The following NAALADL2 variants were observed in gnomAD, a reference collection of about 807,000 sequenced individuals.
NAALADL2 encodes the protein N-acetylated alpha-linked acidic dipeptidase like 2.
A neutral mutation model predicts 87.2 loss-of-function variants in NAALADL2; 76 were observed. The observed-to-expected ratio is 0.87, with a 90% confidence interval of 0.72 to 1.05. The LOEUF (loss-of-function observed/expected upper bound fraction) is 1.05, where lower values mean the gene tolerates loss of function less well. NAALADL2 is among the 50% of genes least tolerant of loss of function. The probability of loss-of-function intolerance (pLI) is 0.00; values close to 1 mark genes in which losing one functional copy is unlikely to be tolerated. For synonymous variants in NAALADL2, 354 were observed against 331.0 expected (o/e 1.07, Z -0.75); for missense variants, 1,089 against 945.8 (o/e 1.15, Z -1.99).
At chr3:175,182,276 T>C (rs1313588366) in intron 2 of NAALADL2, among the ~76,000 whole-genome samples, 1 of 152,162 alleles carries the variant, frequency 6.6e-6, no homozygotes, top group African/African-American at 2.4e-5. Flanking sequence ...TGTTTAACTT[T>C]CTTATATATT....
At chr3:174,669,652 T>C (rs536210) in intron 2 of NAALADL2, among the ~76,000 whole-genome samples, 96,743 of 151,928 alleles carry the variant, frequency 0.64, 31,536 homozygotes, top group Admixed American at 0.72. Context: ...AGCTTTCTGC[T>C]GTATTTTGGA....
intron 5 of NAALADL2, among the ~76,000 whole-genome samples, chr3:175,396,991 G>A (rs927698502): frequency 1.3e-5 from 2 of 151,926 alleles, no homozygotes; most frequent in African/African-American, 4.8e-5. Flanking sequence ...GAGGACAGAC[G>A]AATACACTTG....
intron 9 of NAALADL2, among the ~76,000 whole-genome samples, chr3:175,508,600 ATT>A (rs1436700229): frequency 6.6e-6 from 1 of 152,036 alleles, no homozygotes; most frequent in Non-Finnish European, 1.5e-5. Context: ...AATTGTTTTT[ATT>A]TTCTTTTCCT....
chr3:175,558,178 C>G (rs75617228), intron 9 of NAALADL2, among the ~76,000 whole-genome samples: 19,093 of 119,424 alleles, frequency 0.16, 1,385 homozygotes, highest in Middle Eastern at 0.25. Context: ...CTGGGCAACA[C>G]AGCAAGACCC....
chr3:174,920,213 C>A (rs376705743), intron 1 of NAALADL2, among the ~76,000 whole-genome samples: 102 of 152,278 alleles, frequency 6.7e-4, no homozygotes, highest in Middle Eastern at 3.4e-3. Flanking sequence ...TCTCTTCAAG[C>A]CTTGAAGTCA....
At chr3:175,081,873 G>A (rs117918024) in intron 1 of NAALADL2, among the ~76,000 whole-genome samples, 2 of 152,142 alleles carry the variant, frequency 1.3e-5, no homozygotes, top group East Asian at 1.9e-4. Context: ...AATATTGTAC[G>A]CATATTGTTA....
chr3:175,193,538 G>C (rs921940925), intron 2 of NAALADL2, among the ~76,000 whole-genome samples: 1 of 151,750 alleles, frequency 6.6e-6, no homozygotes, highest in South Asian at 2.1e-4. Context: ...ATAGAGGTGA[G>C]ATAAGAAATA....
chr3:175,339,411 A>G (rs543660326), intron 5 of NAALADL2, among the ~76,000 whole-genome samples: 126 of 152,306 alleles, frequency 8.3e-4, no homozygotes, highest in Middle Eastern at 6.8e-3. Context: ...GATTTCTATC[A>G]CTGGAAGGGA....
At chr3:175,415,715 G>T (rs1381048425) in intron 5 of NAALADL2, among the ~76,000 whole-genome samples, 2 of 151,774 alleles carry the variant, frequency 1.3e-5, no homozygotes, top group African/African-American at 4.8e-5. Context: ...TTTAAATTTT[G>T]TGTGCTAAAT....
At chr3:175,236,868 A>G (rs1187619008) in intron 3 of NAALADL2, among the ~76,000 whole-genome samples, 1 of 152,170 alleles carries the variant, frequency 6.6e-6, no homozygotes, top group Non-Finnish European at 1.5e-5. Flanking sequence ...TTTTATTCTA[A>G]CAGATGATGC....
chr3:174,457,818 C>CAA (rs111568981), intron 1 of NAALADL2, among the ~76,000 whole-genome samples: 2 of 143,114 alleles, frequency 1.4e-5, no homozygotes, highest in South Asian at 2.2e-4. Context: ...CTCAAAAAAA[C>CAA]AAAAAAAAAA....
intron 1 of NAALADL2, among the ~76,000 whole-genome samples, chr3:174,940,319 T>C (rs1194449181): frequency 2.0e-5 from 3 of 152,180 alleles, no homozygotes; most frequent in Admixed American, 2.0e-4. Flanking sequence ...CATTTATTGA[T>C]GTACATATGT....
At chr3:175,125,583 T>C (rs182049222) in intron 2 of NAALADL2, among the ~76,000 whole-genome samples, 1 of 152,002 alleles carries the variant, frequency 6.6e-6, no homozygotes, top group Admixed American at 6.6e-5. Context: ...AGAAAATAAT[T>C]GATATAAGAA....
chr3:175,263,886 C>A (rs6778086), intron 4 of NAALADL2, among the ~76,000 whole-genome samples: 82,099 of 151,346 alleles, frequency 0.54, 22,474 homozygotes, highest in South Asian at 0.67. Flanking sequence ...TAAGCTCTAG[C>A]TATATTTTGG....
At chr3:175,070,752 G>A (rs1325108186) in intron 1 of NAALADL2, among the ~76,000 whole-genome samples, 1 of 151,912 alleles carries the variant, frequency 6.6e-6, no homozygotes, top group Non-Finnish European at 1.5e-5. Flanking sequence ...AATTGCTTTG[G>A]ATGAATTTAG....
At chr3:175,460,540 T>C (rs1163120675) in intron 6 of NAALADL2, among the ~76,000 whole-genome samples, 2 of 152,190 alleles carry the variant, frequency 1.3e-5, no homozygotes, top group Non-Finnish European at 2.9e-5. Context: ...TAAATAGTTC[T>C]AGACCTCGAG....
chr3:175,285,259 G>T (rs1754840380), intron 4 of NAALADL2, among the ~76,000 whole-genome samples: 1 of 152,058 alleles, frequency 6.6e-6, no homozygotes, highest in African/African-American at 2.4e-5. Context: ...TTGGTTACTT[G>T]TTTTTTAAAA....
At chr3:175,502,229 GTGTGTGTGTGTGTGTGTGTGTGTGTGTC>G (rs2077823482) in intron 9 of NAALADL2, among the ~76,000 whole-genome samples, 1 of 71,388 alleles carries the variant, frequency 1.4e-5, no homozygotes, top group Non-Finnish European at 2.4e-5. Context: ...ATTATCCTGG[GTGTGTGTGTGTGTGTGTGTGTGTGTGTC>G]TGTGTGTGTG....
intron 11 of NAALADL2, among the ~76,000 whole-genome samples, chr3:175,653,432 A>G (rs1335390092): frequency 6.6e-6 from 1 of 152,126 alleles, no homozygotes; most frequent in Non-Finnish European, 1.5e-5. Context: ...TGCTTCTTCT[A>G]TATCTTCTTC....
Sources: allele counts gnomAD v4.1 joint callset (sites outside exome capture counted in the v4.1 genomes callset), GRCh38; gene constraint gnomAD v4.1.1; transcripts MANE v1.5; gene names NCBI Gene and HGNC (gene_info 2026-07-23, HGNC 2026-07-21).